Variants in OR2B6 observed in about 807,000 individuals in gnomAD.
OR2B6 encodes the protein olfactory receptor family 2 subfamily B member 6, also known as olfactory receptor 2B6.
For synonymous variants in OR2B6, 130 were observed against 142.7 expected, an observed-to-expected ratio of 0.91 and a Z score of 0.63; for missense variants, 350 against 368.9, an observed-to-expected ratio of 0.95 and a Z score of 0.42.
rs759254656 is a variant in OR2B6 at position 27,957,868 on chromosome 6, C to T, written c.628C>T (p.Pro210Ser). ...TGTCAGTGAGCTCTTCCATCTAATA[C>T]CCCTGACACTCATCCTTATATCATA... ...FLVSELFHLIPLTLILISYAF... is the reference protein window; with the variant it reads ...FLVSELFHLISLTLILISYAF... Residue 210 changes from proline (P) to serine (S), a missense_variant, in exon 1 of 1, where the codon CCC becomes TCC. Pro to Ser is a moderately conservative substitution (Grantham distance 74, BLOSUM62 -1). Coordinates refer to ENST00000244623, the MANE Select transcript of OR2B6 (RefSeq NM_012367.1). 3 of 1,614,072 alleles carry T rather than the reference C, an allele frequency of 1.9e-6. No homozygotes were observed. Among genetic ancestry groups the T allele is most frequent in the Non-Finnish European group, 2.5e-6 (3 of 1,179,960 alleles).
chr6:27,957,443 T>A lies in OR2B6; in HGVS notation c.203T>A (p.Leu68His). ...PMYFFLTNLS[L>H]LDLCYTTCTV... is the part of the protein sequence containing the mutation. ...TATTTTTTTCTTACCAATCTATCAC[T>A]CCTGGATCTTTGTTACACCACATGT... The change falls in exon 1 of 1, where the codon CTC becomes CAC. Residue 68 changes from leucine (L) to histidine (H), a missense_variant. By Grantham distance (99) the Leu-to-His change is moderately conservative. Transcript: ENST00000244623. 6.2e-7 allele frequency: 1 copy of A among 1,614,066 alleles called. No homozygotes were observed. The highest frequency in any genetic ancestry group is 1.7e-5 in the Admixed American group (1 of 59,986).
In OR2B6 at chr6:27,957,996, T is replaced by C. The variant is rs768161197; in HGVS notation, c.756T>C (p.Tyr252=). ...GSHLIVVSLF[Y]STAVSVYLQP... ...ATCTAATTGTGGTGTCTCTTTTTTA[T>C]AGTACAGCCGTCTCTGTGTACCTGC... The change falls in exon 1 of 1, where the codon TAT becomes TAC. Residue 252 remains tyrosine, a synonymous_variant. Coordinates refer to ENST00000244623, the MANE Select transcript of OR2B6 (RefSeq NM_012367.1). The C allele has an allele frequency of 1.6e-5, 26 of 1,613,920 alleles. No homozygotes were observed. In the South Asian group the frequency reaches 2.5e-4, roughly 16 times the overall value.
rs928312984 is a variant in OR2B6 at position 27,957,722 on chromosome 6, C to A, written c.482C>A (p.Thr161Asn). 1.2e-6 allele frequency: 2 copies of A among 1,614,042 alleles called. No homozygotes were observed. Among genetic ancestry groups the A allele is most frequent in the Non-Finnish European group, 1.7e-6 (2 of 1,179,982 alleles). Residue 161 changes from threonine (T) to asparagine (N), a missense_variant, in exon 1 of 1, where the codon ACC (threonine) becomes AAC (asparagine). Coordinates refer to ENST00000244623, the MANE Select transcript of OR2B6 (RefSeq NM_012367.1). The stretch of plus-strand genomic sequence containing the variant: ...TTTAGTAACTCAGTGTGGTTGTCTA[C>A]CCTGACTCTCCAGCTGCCACTCTGT... The part of the protein sequence containing the change: ...TGFSNSVWLS[T>N]LTLQLPLCDP...
Position 27,957,377 on chromosome 6 carries a change from T to G in OR2B6, c.137T>G (p.Ile46Ser), listed in dbSNP as rs1453279800. The change falls in exon 1 of 1, where the codon ATT becomes AGT. Residue 46 changes from isoleucine (I) to serine (S), a missense_variant. Coordinates refer to ENST00000244623, the MANE Select transcript of OR2B6 (RefSeq NM_012367.1). The part of the protein sequence containing the change: ...TVTIFGNLTI[I>S]LVSRLDTKLH... ...ACCATCTTTGGCAATCTGACCATTA[T>G]TCTAGTGTCACGCCTGGACACCAAA... 1 of 1,614,076 alleles carries G rather than the reference T, an allele frequency of 6.2e-7. No individual in the cohort carries two copies. The highest frequency in any genetic ancestry group is 8.5e-7 in the Non-Finnish European group (1 of 1,179,930).
At position 27,957,923 on chromosome 6, in the gene OR2B6, TAC is replaced by T. The variant is rs749591879; in HGVS notation, c.685_686del (p.Gln229ValfsTer3). The T allele has an allele frequency of 6.2e-7, 1 of 1,614,130 alleles. No homozygotes were observed. The highest frequency in any genetic ancestry group is 1.1e-5 in the South Asian group (1 of 91,074). On this transcript the variant is annotated frameshift_variant, in exon 1 of 1. Coordinates refer to ENST00000244623, the MANE Select transcript of OR2B6 (RefSeq NM_012367.1). LOFTEE classifies it low-confidence loss of function (END_TRUNC). ...TTTATTGTCCGAGCAGTATTGAGGA[TAC>T]AGTCTGCTGAAGGTCGACAAAAAGC... is the stretch of plus-strand genomic sequence containing the variant.
Position 27,958,041 on chromosome 6 carries a change from C to T in OR2B6, c.801C>T (p.Ser267=). 6.2e-7 allele frequency: 1 copy of T among 1,614,046 alleles called. No individual in the cohort carries two copies. Among genetic ancestry groups the T allele is most frequent in the Non-Finnish European group, 8.5e-7 (1 of 1,179,976 alleles). Residue 267 remains serine (S), a synonymous_variant, in exon 1 of 1, where the codon TCC becomes TCT. Transcript: ENST00000244623. ...SVYLQPPSPS[S]KDQGKMVSLF... ...ACCTGCAACCACCTTCGCCCAGCTC[C>T]AAGGACCAAGGAAAGATGGTTTCTC...
In OR2B6 at chr6:27,957,947, AAG is replaced by A. The variant is rs1762767395; in HGVS notation, c.708_709del (p.Lys236AsnfsTer17). On this transcript the variant is annotated frameshift_variant, in exon 1 of 1. Coordinates refer to ENST00000244623, the MANE Select transcript of OR2B6 (RefSeq NM_012367.1). LOFTEE classifies it low-confidence loss of function (END_TRUNC). Reference sequence around the variant, plus strand: ...ATACAGTCTGCTGAAGGTCGACAAAAAGCATTTGGGACATGTGGTTCCCATCT... The same window carrying A: ...ATACAGTCTGCTGAAGGTCGACAAAACATTTGGGACATGTGGTTCCCATCT... 1 of 1,613,912 alleles carries A rather than the reference AAG, an allele frequency of 6.2e-7. No individual in the cohort carries two copies. The highest frequency in any genetic ancestry group is 8.5e-7 in the Non-Finnish European group (1 of 1,179,994).
In OR2B6 at chr6:27,957,755, A is replaced by G. The variant is rs191678684; in HGVS notation, c.515A>G (p.Tyr172Cys). The G allele has an allele frequency of 2.1e-5, 34 of 1,613,948 alleles. No homozygotes were observed. The highest frequency in any genetic ancestry group is 2.7e-5 in the African/African-American group (2 of 75,006). ...CTCCAGCTGCCACTCTGTGACCCCT[A>G]TGTGATAGATCACTTTCTCTGTGAA... ...LTLQLPLCDP[Y>C]VIDHFLCEVP... The change falls in exon 1 of 1, where the codon TAT becomes TGT. Residue 172 changes from tyrosine (Y) to cysteine (C), a missense_variant. Tyr to Cys is a radical substitution (Grantham distance 194, BLOSUM62 -2). Coordinates refer to ENST00000244623, the MANE Select transcript of OR2B6 (RefSeq NM_012367.1).
At position 27,957,747 on chromosome 6, in the gene OR2B6, T is replaced by C; in HGVS notation, c.507T>C (p.Cys169=). ...LSTLTLQLPL[C]DPYVIDHFLC... is the part of the protein sequence containing the mutation. ...CCCTGACTCTCCAGCTGCCACTCTG[T>C]GACCCCTATGTGATAGATCACTTTC... The change falls in exon 1 of 1, where the codon TGT becomes TGC. Residue 169 remains cysteine (C), a synonymous_variant. Coordinates refer to ENST00000244623, the MANE Select transcript of OR2B6 (RefSeq NM_012367.1). 1.2e-6 allele frequency: 2 copies of C among 1,614,096 alleles called. No individual in the cohort carries two copies. The highest frequency in any genetic ancestry group is 1.7e-6 in the Non-Finnish European group (2 of 1,180,004).
At position 27,957,925 on chromosome 6, in the gene OR2B6, C is replaced by T. The variant is rs1488799723; in HGVS notation, c.685C>T (p.Gln229Ter). The change falls in exon 1 of 1, where the codon CAG (glutamine) becomes TAG (stop). Residue 229 changes from glutamine to a stop codon, truncating the protein, a stop_gained. Transcript: ENST00000244623. LOFTEE classifies it low-confidence loss of function (END_TRUNC). ...TATTGTCCGAGCAGTATTGAGGATA[C>T]AGTCTGCTGAAGGTCGACAAAAAGC... ...AFIVRAVLRI[Q>*]SAEGRQKAFG... 1 of 1,613,938 alleles carries T rather than the reference C, an allele frequency of 6.2e-7. No homozygotes were observed. Among genetic ancestry groups the T allele is most frequent in the African/African-American group, 1.3e-5 (1 of 74,918 alleles).
rs1434763056 is a variant in OR2B6 at position 27,957,943 on chromosome 6, C to T, written c.703C>T (p.Gln235Ter). ...VLRIQSAEGRQKAFGTCGSHL... is the reference protein window; with the variant it reads ...VLRIQSAEGR ...GAGGATACAGTCTGCTGAAGGTCGA[C>T]AAAAAGCATTTGGGACATGTGGTTC... Residue 235 changes from glutamine (Q) to a stop codon, truncating the protein, a stop_gained, in exon 1 of 1, where the codon CAA becomes TAA. Coordinates refer to ENST00000244623, the MANE Select transcript of OR2B6 (RefSeq NM_012367.1). LOFTEE classifies it low-confidence loss of function (END_TRUNC). 6.2e-7 allele frequency: 1 copy of T among 1,613,580 alleles called. No homozygotes were observed. Among genetic ancestry groups the T allele is most frequent in the African/African-American group, 1.3e-5 (1 of 74,856 alleles).
chr6:27,957,720 T>C lies in OR2B6; in HGVS notation c.480T>C (p.Ser160=), dbSNP rs749847759. 1.9e-6 allele frequency: 3 copies of C among 1,614,046 alleles called. No homozygotes were observed. Among genetic ancestry groups the C allele is most frequent in the Non-Finnish European group, 2.5e-6 (3 of 1,179,938 alleles). ...GTTTTAGTAACTCAGTGTGGTTGTC[T>C]ACCCTGACTCTCCAGCTGCCACTCT... ...VTGFSNSVWL[S]TLTLQLPLCD... The change falls in exon 1 of 1, where the codon TCT becomes TCC. Residue 160 remains serine (S), a synonymous_variant. Coordinates refer to ENST00000244623, the MANE Select transcript of OR2B6 (RefSeq NM_012367.1).
In OR2B6 at chr6:27,958,040, C is replaced by G; in HGVS notation, c.800C>G (p.Ser267Cys). ...TACCTGCAACCACCTTCGCCCAGCTCCAAGGACCAAGGAAAGATGGTTTCT... is the reference window on the plus strand; with the variant it reads ...TACCTGCAACCACCTTCGCCCAGCTGCAAGGACCAAGGAAAGATGGTTTCT... ...SVYLQPPSPSSKDQGKMVSLF... is the reference protein window; with the variant it reads ...SVYLQPPSPSCKDQGKMVSLF... Residue 267 changes from serine to cysteine, a missense_variant, in exon 1 of 1, where the codon TCC becomes TGC. Physicochemically the swap from Ser to Cys is moderately radical, Grantham distance 112 (BLOSUM62 -1). Transcript: ENST00000244623. The G allele has an allele frequency of 6.2e-7, 1 of 1,613,950 alleles. No homozygotes were observed.
Position 27,957,971 on chromosome 6 carries a change from ATCTAATTGTGGTGT to A in OR2B6, c.732_745del (p.Leu245SerfsTer4), listed in dbSNP as rs779046893. ...AAAGCATTTGGGACATGTGGTTCCC[ATCTAATTGTGGTGT>A]CTCTTTTTTATAGTACAGCCGTCTC... On this transcript the variant is annotated frameshift_variant, in exon 1 of 1. Transcript: ENST00000244623. LOFTEE classifies it low-confidence loss of function (END_TRUNC). The A allele has an allele frequency of 9.7e-5, 156 of 1,613,852 alleles. No individual in the cohort carries two copies. The highest frequency in any genetic ancestry group is 9.5e-5 in the Non-Finnish European group (112 of 1,179,966).
At position 27,957,430 on chromosome 6, in the gene OR2B6, AC is replaced by A. The variant is rs1300685470; in HGVS notation, c.192del (p.Asn65IlefsTer18). The A allele has an allele frequency of 3.1e-6, 5 of 1,613,842 alleles. No individual in the cohort carries two copies. The highest frequency in any genetic ancestry group is 4.2e-6 in the Non-Finnish European group (5 of 1,179,972). On this transcript the variant is annotated frameshift_variant, in exon 1 of 1. Coordinates refer to ENST00000244623, the MANE Select transcript of OR2B6 (RefSeq NM_012367.1). LOFTEE classifies it low-confidence loss of function (END_TRUNC). ...KLHTPMYFFL[T>X]NLSLLDLCYT... Reference sequence around the variant, plus strand: ...TCATACCCCCATGTATTTTTTTCTTACCAATCTATCACTCCTGGATCTTTGT... The same window carrying A: ...TCATACCCCCATGTATTTTTTTCTTACAATCTATCACTCCTGGATCTTTGT...
Position 27,958,074 on chromosome 6 carries a change from T to C in OR2B6, c.834T>C (p.Tyr278=), listed in dbSNP as rs376063377. The C allele has an allele frequency of 1.2e-6, 2 of 1,614,032 alleles. No homozygotes were observed. Residue 278 remains tyrosine (Y), a synonymous_variant, in exon 1 of 1, where the codon TAT becomes TAC. Transcript: ENST00000244623. Reference sequence around the variant, plus strand: ...AAGGAAAGATGGTTTCTCTCTTCTATGGAATCATTGCACCCATGCTGAATC... The same window carrying C: ...AAGGAAAGATGGTTTCTCTCTTCTACGGAATCATTGCACCCATGCTGAATC... The part of the protein sequence containing the change: ...KDQGKMVSLF[Y]GIIAPMLNPL...
At position 27,957,864 on chromosome 6, in the gene OR2B6, A is replaced by G. The variant is rs1762765849; in HGVS notation, c.624A>G (p.Leu208=). 5.0e-6 allele frequency: 8 copies of G among 1,614,064 alleles called. No individual in the cohort carries two copies. In the African/African-American group the frequency reaches 8.0e-5, roughly 16 times the overall value. The change falls in exon 1 of 1, where the codon CTA becomes CTG. Residue 208 remains leucine (L), a synonymous_variant. Coordinates refer to ENST00000244623, the MANE Select transcript of OR2B6 (RefSeq NM_012367.1). ...TCCTTGTCAGTGAGCTCTTCCATCT[A>G]ATACCCCTGACACTCATCCTTATAT... ...ELFLVSELFH[L]IPLTLILISY... is the part of the protein sequence containing the mutation.
rs1340669327 is a variant in OR2B6 at position 27,957,309 on chromosome 6, G to A, written c.69G>A (p.Leu23=). 1 of 1,613,604 alleles carries A rather than the reference G, an allele frequency of 6.2e-7. No homozygotes were observed. Among genetic ancestry groups the A allele is most frequent in the Non-Finnish European group, 8.5e-7 (1 of 1,179,720 alleles). The change falls in exon 1 of 1, where the codon CTG becomes CTA. Residue 23 remains leucine (L), a synonymous_variant. Transcript: ENST00000244623. ...TGGGTTTCTCAGATCGACCTTGGCT[G>A]GAGTTTCCACTCCTTGTGGTCTTCT... The part of the protein sequence containing the change: ...ILLGFSDRPW[L]EFPLLVVFLI...
Position 27,957,993 on chromosome 6 carries a change from T to G in OR2B6, c.753T>G (p.Phe251Leu), listed in dbSNP as rs1206523127. The change falls in exon 1 of 1, where the codon TTT (phenylalanine) becomes TTG (leucine). Residue 251 changes from phenylalanine to leucine, a missense_variant. Physicochemically the swap from Phe to Leu is conservative, Grantham distance 22. Transcript: ENST00000244623. Reference sequence around the variant, plus strand: ...CCCATCTAATTGTGGTGTCTCTTTTTTATAGTACAGCCGTCTCTGTGTACC... The same window carrying G: ...CCCATCTAATTGTGGTGTCTCTTTTGTATAGTACAGCCGTCTCTGTGTACC... The part of the protein sequence containing the change: ...CGSHLIVVSL[F>L]YSTAVSVYLQ... The G allele has an allele frequency of 6.2e-7, 1 of 1,613,962 alleles. No homozygotes were observed. The highest frequency in any genetic ancestry group is 1.3e-5 in the African/African-American group (1 of 74,992).
Sources: gnomAD v4.1 joint callset for allele counts on GRCh38, gnomAD v4.1.1 for gene constraint, MANE v1.5 for transcripts, NCBI Gene and HGNC (gene_info 2026-07-23, HGNC 2026-07-21) for gene names.